KDM4C: variants seen among roughly 807,000 people sequenced by gnomAD.
KDM4C encodes the protein lysine-specific demethylase 4C.
In KDM4C, 81 loss-of-function variants were observed where a neutral mutation model predicts 129.3. The observed-to-expected ratio is 0.63, with a 90% CI of 0.52 to 0.75. The LOEUF (loss-of-function observed/expected upper bound fraction) is 0.75. Among genes scored for constraint, KDM4C ranks in the 30% least tolerant of loss-of-function variants. The pLI, the probability that KDM4C is intolerant of heterozygous loss-of-function variation, is 0.00. For synonymous variants in KDM4C, 573 were observed against 456.1 expected (o/e 1.26, Z -3.26); for missense variants, 1,457 against 1,304.0 (o/e 1.12, Z -1.81).
Position 6,740,304 on chromosome 9 carries a change from C to T in KDM4C, c.49+19307C>T, listed in dbSNP as rs376675611. Among the ~76,000 whole-genome samples the T allele has an allele frequency of 2.0e-3, 296 of 149,532 alleles. 4 individuals are homozygous for T. The highest frequency in any genetic ancestry group is 5.8e-3 in the African/African-American group (238 of 40,688). The stretch of plus-strand genomic sequence containing the variant: ...CTGCAAGCTCCGCCTCCCGGGTTCA[C>T]GCCATTCTCCTGCCTCAGCCTCCCT... On this transcript the variant is annotated intron_variant, in intron 1 of 17. Transcript: ENST00000536108.
At chr9:6,882,787 TGTG>T (rs1844658673) in intron 6 of KDM4C, among the ~76,000 whole-genome samples, 7 of 151,906 alleles carry the variant, frequency 4.6e-5, no homozygotes, top group African/African-American at 1.5e-4. Context: ...TGTGTGTGTG[TGTG>T]TGTGTGTGTG....
intron 12 of KDM4C, among the ~76,000 whole-genome samples, chr9:6,996,592 T>C (rs1319453773): frequency 6.6e-6 from 1 of 152,212 alleles, no homozygotes; most frequent in Admixed American, 6.5e-5. Context: ...AATGCAATTG[T>C]AAACTAAGGA....
chr9:7,036,449 C>T (rs548642543), intron 15 of KDM4C, among the ~76,000 whole-genome samples: 2 of 152,288 alleles, frequency 1.3e-5, no homozygotes, highest in East Asian at 1.9e-4. Flanking sequence ...TTTCTTGCCA[C>T]TTAATATGTG....
chr9:6,985,345 C>G (rs1563933443), intron 10 of KDM4C, among the ~76,000 whole-genome samples: 1 of 152,214 alleles, frequency 6.6e-6, no homozygotes, highest in African/African-American at 2.4e-5. Flanking sequence ...GCCTCATTGC[C>G]TTTGCTCTTG....
intron 6 of KDM4C, among the ~76,000 whole-genome samples, chr9:6,881,242 C>T (rs1844400260): frequency 6.6e-6 from 1 of 152,120 alleles, no homozygotes; most frequent in South Asian, 2.1e-4. Context: ...TTAGAAGGAA[C>T]AGTTATAGTA....
chr9:7,130,175 G>T (rs1840461468), intron 19 of KDM4C, among the ~76,000 whole-genome samples: 1 of 152,222 alleles, frequency 6.6e-6, no homozygotes, highest in South Asian at 2.1e-4. Flanking sequence ...AAAGACAGAA[G>T]ACCTTTTGGT....
At chr9:7,133,001 G>A (rs1303667748) in intron 19 of KDM4C, among the ~76,000 whole-genome samples, 1 of 152,204 alleles carries the variant, frequency 6.6e-6, no homozygotes, top group African/African-American at 2.4e-5. Flanking sequence ...TCAAGATTCT[G>A]GGGGTGAGTA....
chr9:7,014,547 C>T (rs1318706747), intron 14 of KDM4C, among the ~76,000 whole-genome samples: 1 of 152,094 alleles, frequency 6.6e-6, no homozygotes, highest in Non-Finnish European at 1.5e-5. Context: ...TTATTTTTAA[C>T]AATTGGATAA....
At chr9:6,870,138 G>A (rs1388760106) in intron 5 of KDM4C, among the ~76,000 whole-genome samples, 4 of 152,056 alleles carry the variant, frequency 2.6e-5, no homozygotes, top group Non-Finnish European at 5.9e-5. Context: ...TTCATAAAGT[G>A]TTTTTGTAAC....
intron 19 of KDM4C, among the ~76,000 whole-genome samples, chr9:7,164,312 A>G (rs1339063115): frequency 6.6e-6 from 1 of 151,590 alleles, no homozygotes; most frequent in East Asian, 1.9e-4. Context: ...ACAAATGTTT[A>G]AATGTTTTAC....
intron 3 of KDM4C, 51 bp from the exon 4 acceptor site, chr9:6,814,579 AC>A: frequency 8.6e-7 from 1 of 1,158,280 alleles, no homozygotes; most frequent in South Asian, 1.6e-5. Context: ...GGTGGGAAAA[AC>A]CCTAAAACTG....
At chr9:6,791,079 TC>T (rs1181385892) in intron 1 of KDM4C, among the ~76,000 whole-genome samples, 3 of 152,072 alleles carry the variant, frequency 2.0e-5, no homozygotes, top group African/African-American at 7.2e-5. Flanking sequence ...GACTTAACTC[TC>T]CCCCTTTCTG....
intron 15 of KDM4C, among the ~76,000 whole-genome samples, chr9:7,031,373 C>G (rs1038819850): frequency 6.6e-6 from 1 of 152,020 alleles, no homozygotes; most frequent in Non-Finnish European, 1.5e-5. Context: ...GTTGGCCAGG[C>G]TGGTGTCAAA....
intron 17 of KDM4C, among the ~76,000 whole-genome samples, chr9:7,077,600 C>T (rs1834072172): frequency 6.6e-6 from 1 of 152,166 alleles, no homozygotes; most frequent in Non-Finnish European, 1.5e-5. Context: ...CAGAACTGCT[C>T]AACCATTTTG....
intron 15 of KDM4C, among the ~76,000 whole-genome samples, chr9:7,019,736 A>AAAAATATTATATTTATATATAT (rs1563993123): frequency 8.5e-6 from 1 of 117,456 alleles, no homozygotes; most frequent in African/African-American, 3.6e-5. Flanking sequence ...TTTTATATAT[A>AAAAATATTATATTTATATATAT]AAAATATAAT....
At chr9:7,062,598 G>A (rs1157716379) in intron 17 of KDM4C, among the ~76,000 whole-genome samples, 1 of 151,252 alleles carries the variant, frequency 6.6e-6, no homozygotes, top group African/African-American at 2.4e-5. Flanking sequence ...TGTCTAAGCT[G>A]GTCTCAAACT....
Position 6,805,783 on chromosome 9 carries a change from A to C in KDM4C, c.320+9A>C, listed in dbSNP as rs772265363. Reference sequence around the variant, plus strand: ...CTGGCCAACAGTGGCAAGTGAGTAGAATCAGTTTGCTATTTCTGTTTCCTT... The same window carrying C: ...CTGGCCAACAGTGGCAAGTGAGTAGCATCAGTTTGCTATTTCTGTTTCCTT... On this transcript the variant is annotated intron_variant, in intron 3 of 21. Coordinates refer to ENST00000381309, the MANE Select transcript of KDM4C (RefSeq NM_015061.6). The C allele has an allele frequency of 5.0e-6, 8 of 1,605,578 alleles. No individual in the cohort carries two copies. The highest frequency in any genetic ancestry group is 4.5e-5 in the East Asian group (2 of 44,768).
intron 1 of KDM4C, among the ~76,000 whole-genome samples, chr9:6,778,683 C>T (rs574886632): frequency 7.2e-5 from 11 of 152,018 alleles, no homozygotes; most frequent in African/African-American, 2.6e-4. Flanking sequence ...AGGAGAATCT[C>T]TTGAACCCAG....
At chr9:6,722,800 AC>A (rs1774541621) in intron 1 of KDM4C, among the ~76,000 whole-genome samples, 1 of 151,956 alleles carries the variant, frequency 6.6e-6, no homozygotes, top group Non-Finnish European at 1.5e-5. Context: ...GGTATGAGCC[AC>A]CGCATCCGGC....
Sources: allele counts gnomAD v4.1 joint callset (sites outside exome capture counted in the v4.1 genomes callset), GRCh38; gene constraint gnomAD v4.1.1; transcripts MANE v1.5; gene names NCBI Gene and HGNC (gene_info 2026-07-23, HGNC 2026-07-21).